The following NDUFAF7 variants were observed in gnomAD, a reference collection of about 807,000 sequenced individuals.
NDUFAF7 encodes NADH:ubiquinone oxidoreductase complex assembly factor 7.
Under a neutral mutation model 47.2 loss-of-function variants are expected in NDUFAF7, and 48 were observed. That is an observed-to-expected ratio of 1.02 (90% CI 0.81 to 1.29). NDUFAF7 has a LOEUF of 1.29. Ranked by LOEUF, NDUFAF7 falls within the 50% of genes most tolerant of loss-of-function variation. The probability of loss-of-function intolerance (pLI) is 0.00; values close to 1 mark genes in which losing one functional copy is unlikely to be tolerated. For synonymous variants in NDUFAF7, 217 were observed against 190.0 expected, an observed-to-expected ratio of 1.14 and a Z score of -1.17; for missense variants, 635 against 537.6, an observed-to-expected ratio of 1.18 and a Z score of -1.79.
chr2:37,267,049 A>G, the NDUFAF7 span, among the ~76,000 whole-genome samples: 1 of 152,320 alleles, frequency 6.6e-6, no homozygotes, highest in Non-Finnish European at 1.5e-5. Context: ...TAGAGTTTTT[A>G]ATTAATGAAA....
the NDUFAF7 span, chr2:37,260,425 G>C: frequency 1.3e-6 from 2 of 1,548,062 alleles, no homozygotes; most frequent in East Asian, 4.5e-5. Context: ...CTTAAGCAGA[G>C]AAACAGTTTT....
chr2:37,265,657 A>G, the NDUFAF7 span, among the ~76,000 whole-genome samples: 147 of 152,320 alleles, frequency 9.7e-4, no homozygotes, highest in African/African-American at 3.4e-3. Context: ...ACCACAAGGA[A>G]AGCCAAATAT....
chr2:37,260,248 C>T, the NDUFAF7 span: 21 of 1,610,708 alleles, frequency 1.3e-5, no homozygotes, highest in East Asian at 4.5e-5. Flanking sequence ...TTTAGTAATT[C>T]GTTCTGGAAG....
At chr2:37,254,315 C>G (rs983714519), downstream of NDUFAF7, 3 of 1,587,074 alleles carry the variant, frequency 1.9e-6, no homozygotes, top group African/African-American at 4.0e-5. Context: ...AAACAAGATA[C>G]ATGAATTTGG....
chr2:37,237,215 C>T (rs1020208142), intron 3 of NDUFAF7, among the ~76,000 whole-genome samples: 2 of 152,192 alleles, frequency 1.3e-5, no homozygotes, highest in Non-Finnish European at 2.9e-5. Context: ...GGTGGTCCAC[C>T]CGCCTCAGCC....
the NDUFAF7 span, chr2:37,267,486 T>C: frequency 6.2e-7 from 1 of 1,611,668 alleles, no homozygotes; most frequent in South Asian, 1.1e-5. Flanking sequence ...GGGAATCTCA[T>C]CTTATCAATT....
chr2:37,261,518 C>T, the NDUFAF7 span, among the ~76,000 whole-genome samples: 3,080 of 152,022 alleles, frequency 0.02, 93 homozygotes, highest in African/African-American at 0.063. Flanking sequence ...CGGTGGCTCA[C>T]GCCTGTAATC....
the NDUFAF7 span, among the ~76,000 whole-genome samples, chr2:37,262,918 T>C: frequency 6.7e-6 from 1 of 149,970 alleles, no homozygotes; most frequent in African/African-American, 2.5e-5. Context: ...TTTGTGGTTA[T>C]CTCCCTAAGA....
At chr2:37,254,281 G>C (rs765680797), downstream of NDUFAF7, 1 of 1,612,498 alleles carries the variant, frequency 6.2e-7, no homozygotes, top group Non-Finnish European at 8.5e-7. Context: ...TTGTTTATCA[G>C]ATCAATTGCT....
Position 37,242,621 on chromosome 2 carries a change from C to G in NDUFAF7, c.623-14C>G. Reference sequence around the variant, plus strand: ...AAATGTGGAAACATTAATTGTTTTCCTCTTTTTAAATAGGGTACAGCTTTT... The same window carrying G: ...AAATGTGGAAACATTAATTGTTTTCGTCTTTTTAAATAGGGTACAGCTTTT... On this transcript the variant is annotated splice_polypyrimidine_tract_variant and intron_variant, in intron 5 of 9. Transcript: ENST00000002125. 1 of 1,564,420 alleles carries G rather than the reference C, an allele frequency of 6.4e-7. No homozygotes were observed. Among genetic ancestry groups the G allele is most frequent in the Non-Finnish European group, 8.8e-7 (1 of 1,136,038 alleles).
downstream of NDUFAF7, chr2:37,251,231 A>ATCTT (rs1667464238): frequency 6.6e-6 from 1 of 152,602 alleles, no homozygotes; most frequent in African/African-American, 2.4e-5. Flanking sequence ...ATTTGATTTA[A>ATCTT]TCTTTGAAGC....
downstream of NDUFAF7, chr2:37,251,504 A>C (rs917619158): frequency 9.2e-5 from 14 of 152,596 alleles, no homozygotes; most frequent in African/African-American, 2.9e-4. Context: ...AGAACACAGG[A>C]GTACTGCATA....
Position 37,241,675 on chromosome 2 carries a change from T to C in NDUFAF7, c.506T>C (p.Leu169Pro). Residue 169 changes from leucine to proline, a missense_variant, in exon 5 of 10, where the codon CTG becomes CCG. Transcript: ENST00000002125. The part of the protein sequence containing the change: ...QKLSEIQALT[L>P]TKEKVPLERN... ...TTAAGTGAGATTCAAGCATTGACACTGACTAAAGAGAAGGTCCCGTTAGAG... is the reference window on the plus strand; with the variant it reads ...TTAAGTGAGATTCAAGCATTGACACCGACTAAAGAGAAGGTCCCGTTAGAG... 1 of 1,614,034 alleles carries C rather than the reference T, an allele frequency of 6.2e-7. No homozygotes were observed. The highest frequency in any genetic ancestry group is 8.5e-7 in the Non-Finnish European group (1 of 1,179,984).
In NDUFAF7 at chr2:37,237,225, C is replaced by T. The variant is rs560647276; in HGVS notation, c.298-532C>T. 2.0e-5 allele frequency among the ~76,000 whole-genome samples: 3 copies of T among 152,356 alleles called. No individual in the cohort carries two copies. The East Asian group carries it at 5.8e-4, about 29-fold the overall frequency. On this transcript the variant is annotated intron_variant, in intron 3 of 9. Transcript: ENST00000002125. The stretch of plus-strand genomic sequence containing the variant: ...CCTCAGGTGGTCCACCCGCCTCAGC[C>T]TCCCAAAGTGCTGGGATTATAGGCG...
chr2:37,261,135 A>T, the NDUFAF7 span, among the ~76,000 whole-genome samples: 1 of 152,208 alleles, frequency 6.6e-6, no homozygotes, highest in East Asian at 1.9e-4. Context: ...CTTCCAATTT[A>T]ATCTTAAATA....
the NDUFAF7 span, among the ~76,000 whole-genome samples, chr2:37,259,091 A>T: frequency 6.6e-6 from 1 of 152,104 alleles, no homozygotes; most frequent in Non-Finnish European, 1.5e-5. Context: ...AAAATCAGAG[A>T]GTGCTACATG....
the NDUFAF7 span, among the ~76,000 whole-genome samples, chr2:37,270,632 C>T: frequency 2.0e-5 from 3 of 152,124 alleles, no homozygotes; most frequent in Non-Finnish European, 2.9e-5. Context: ...ACTTAGCAGA[C>T]CCACACTTAT....
chr2:37,253,381 C>T (rs988851242), downstream of NDUFAF7: 1 of 1,549,780 alleles, frequency 6.5e-7, no homozygotes, highest in Non-Finnish European at 8.8e-7. Context: ...AATGATGAAA[C>T]AAAAGAAACA....
chr2:37,236,579 G>A (rs1011299213), intron 3 of NDUFAF7, among the ~76,000 whole-genome samples: 6 of 151,784 alleles, frequency 4.0e-5, no homozygotes, highest in African/African-American at 1.5e-4. Context: ...GATCAAGACC[G>A]TCCTGGCTAA....
Sources: allele counts gnomAD v4.1 joint callset (sites outside exome capture counted in the v4.1 genomes callset), GRCh38; gene constraint gnomAD v4.1.1; transcripts MANE v1.5; gene names NCBI Gene and HGNC (gene_info 2026-07-23, HGNC 2026-07-21).